Variants in VAT1L observed in about 807,000 individuals in gnomAD.
VAT1L encodes putative NADPH-dependent quinone oxidoreductase VAT1L.
VAT1L carries 34 observed loss-of-function variants against 44.1 expected under a neutral mutation model. The observed-to-expected ratio is 0.77, with a 90% CI of 0.59 to 1.03. The LOEUF (loss-of-function observed/expected upper bound fraction) is 1.03, where lower values mean the gene tolerates loss of function less well. VAT1L is among the 50% of genes least tolerant of loss of function. VAT1L has a pLI of 0.00. For synonymous variants in VAT1L, 253 were observed against 202.2 expected, an observed-to-expected ratio of 1.25 and a Z score of -2.13; for missense variants, 615 against 538.8, an observed-to-expected ratio of 1.14 and a Z score of -1.40.
chr16:77,942,735 G>T (rs753507629), intron 7 of VAT1L, among the ~76,000 whole-genome samples: 1 of 151,600 alleles, frequency 6.6e-6, no homozygotes, highest in African/African-American at 2.4e-5. Context: ...TGTTGTTGTT[G>T]TTTTTTGTTT....
Position 77,884,901 on chromosome 16 carries a change from A to G in VAT1L, c.1077+99A>G, listed in dbSNP as rs761462736. The G allele has an allele frequency of 9.1e-5, 123 of 1,348,282 alleles. No individual in the cohort carries two copies. The highest frequency in any genetic ancestry group is 1.2e-4 in the Non-Finnish European group (119 of 1,024,462). The allele number at this position is 1,348,282 out of a possible 1,614,324, so 83.5% of individuals were successfully genotyped here. On this transcript the variant is annotated intron_variant, in intron 7 of 8. Coordinates refer to ENST00000302536, the MANE Select transcript of VAT1L (RefSeq NM_020927.3). This position sits in a 1 kb window ranked among gnomAD's most constrained non-coding sequence, Gnocchi z 4.5. ...TCTTCTACTAAATGATTTTTTTCCC[A>G]GATGGGTTTGTTTTAAATGAGGGTC...
chr16:77,929,223 T>C (rs17775259), intron 7 of VAT1L, among the ~76,000 whole-genome samples: 31,433 of 152,064 alleles, frequency 0.21, 3,453 homozygotes, highest in Middle Eastern at 0.23. Context: ...TCTCCAGAAA[T>C]TCCCCCTCTC....
intron 1 of VAT1L, among the ~76,000 whole-genome samples, chr16:77,811,084 G>A (rs1385817558): frequency 6.6e-6 from 1 of 152,202 alleles, no homozygotes; most frequent in Non-Finnish European, 1.5e-5. Flanking sequence ...AGAGAAGTAG[G>A]TTTCGGAAGA....
At chr16:77,906,002 C>G (rs755867065) in intron 7 of VAT1L, among the ~76,000 whole-genome samples, 2 of 152,164 alleles carry the variant, frequency 1.3e-5, no homozygotes, top group East Asian at 3.9e-4. Context: ...CCCTCACCAT[C>G]GCTCATGAAT....
intron 1 of VAT1L, among the ~76,000 whole-genome samples, chr16:77,798,617 T>C (rs1210299240): frequency 2.0e-5 from 3 of 152,098 alleles, no homozygotes. Flanking sequence ...CATTAAAAAG[T>C]CCCTCTGTGC....
intron 1 of VAT1L, among the ~76,000 whole-genome samples, chr16:77,806,207 A>G (rs1404120023): frequency 2.0e-5 from 3 of 147,828 alleles, no homozygotes; most frequent in Non-Finnish European, 4.5e-5. Context: ...TTTTCTTTCT[A>G]TTTATTTATT....
intron 7 of VAT1L, among the ~76,000 whole-genome samples, chr16:77,967,447 T>C (rs422508): frequency 0.23 from 35,150 of 152,138 alleles, 4,550 homozygotes; most frequent in South Asian, 0.32. Flanking sequence ...AACAATATCA[T>C]TTCTTTCCTT....
intron 2 of VAT1L, among the ~76,000 whole-genome samples, chr16:77,817,342 A>C (rs1262596848): frequency 6.6e-6 from 1 of 152,166 alleles, no homozygotes; most frequent in Non-Finnish European, 1.5e-5. Context: ...GGATTAACTA[A>C]GTGTGCATAG....
intron 7 of VAT1L, among the ~76,000 whole-genome samples, chr16:77,927,726 G>A (rs921747306): frequency 2.0e-5 from 3 of 151,866 alleles, no homozygotes; most frequent in South Asian, 2.1e-4. Flanking sequence ...AAAATTAGCC[G>A]GGTGTGGTGG....
chr16:77,956,949 T>A (rs2018110506), intron 7 of VAT1L, among the ~76,000 whole-genome samples: 1 of 152,172 alleles, frequency 6.6e-6, no homozygotes, highest in South Asian at 2.1e-4. Flanking sequence ...CTCAGTTTCC[T>A]TAGGTACTAA....
intron 7 of VAT1L, among the ~76,000 whole-genome samples, chr16:77,940,300 C>T (rs569413456): frequency 6.7e-6 from 1 of 149,618 alleles, no homozygotes; most frequent in Non-Finnish European, 1.5e-5. Context: ...GCTATTGATT[C>T]TCATGAGCTT....
intron 1 of VAT1L, among the ~76,000 whole-genome samples, chr16:77,811,069 T>G (rs962025243): frequency 2.6e-5 from 4 of 152,184 alleles, no homozygotes; most frequent in African/African-American, 9.7e-5. Context: ...ATAATCTGCA[T>G]CAATAGAGAA....
chr16:77,887,409 A>C (rs1196269177), intron 7 of VAT1L, among the ~76,000 whole-genome samples: 1 of 152,210 alleles, frequency 6.6e-6, no homozygotes, highest in Non-Finnish European at 1.5e-5. Flanking sequence ...AGGCAACTAC[A>C]GAAGTCTGAT....
intron 7 of VAT1L, among the ~76,000 whole-genome samples, chr16:77,951,508 C>G (rs541276673): frequency 2.0e-5 from 3 of 152,024 alleles, no homozygotes; most frequent in Non-Finnish European, 4.4e-5. Context: ...ATTGCGCCAC[C>G]GCACTCCAGC....
chr16:77,821,782 A>G (rs1364664087), intron 2 of VAT1L, among the ~76,000 whole-genome samples: 1 of 151,856 alleles, frequency 6.6e-6, no homozygotes, highest in Non-Finnish European at 1.5e-5. Context: ...CTCTCAATAA[A>G]CAGAGATACT....
At chr16:77,910,127 G>GA (rs1237203661) in intron 7 of VAT1L, among the ~76,000 whole-genome samples, 3 of 152,190 alleles carry the variant, frequency 2.0e-5, no homozygotes, top group African/African-American at 7.2e-5. Flanking sequence ...AGGGAAAAAG[G>GA]CATCCCTGAA....
intron 7 of VAT1L, among the ~76,000 whole-genome samples, chr16:77,942,530 T>G (rs2017900976): frequency 6.6e-6 from 1 of 152,140 alleles, no homozygotes; most frequent in Admixed American, 6.6e-5. Flanking sequence ...AAATGGTAGT[T>G]CTGTTTTTAG....
intron 7 of VAT1L, 24 bp from the exon 8 acceptor site, chr16:77,971,824 CCT>C (rs2018281161): frequency 1.2e-6 from 2 of 1,608,400 alleles, no homozygotes; most frequent in Non-Finnish European, 1.7e-6. Context: ...CTAACCAGCA[CCT>C]CTGTTTCTCA....
At chr16:77,848,019 G>C (rs2016773926) in intron 3 of VAT1L, among the ~76,000 whole-genome samples, 1 of 152,166 alleles carries the variant, frequency 6.6e-6, no homozygotes. Context: ...AAGAGTTGAA[G>C]GGATTAAACA....
Sources: allele counts gnomAD v4.1 joint callset (sites outside exome capture counted in the v4.1 genomes callset), GRCh38; gene constraint gnomAD v4.1.1; non-coding constraint Gnocchi (gnomAD v3.1); transcripts MANE v1.5; gene names NCBI Gene and HGNC (gene_info 2026-07-23, HGNC 2026-07-21).